The following PDS5A variants were observed in gnomAD, a reference collection of about 807,000 sequenced individuals.
The protein encoded by PDS5A is PDS5 cohesin associated factor A.
In PDS5A, 42 loss-of-function variants were observed where a neutral mutation model predicts 167.1. The ratio of observed to expected loss-of-function variants is 0.25; its 90% CI spans 0.20 to 0.33. PDS5A has a LOEUF of 0.33. PDS5A is among the 10% of genes least tolerant of loss of function. The pLI, the probability that PDS5A is intolerant of heterozygous loss-of-function variation, is 1.00. For synonymous variants in PDS5A, 553 were observed against 554.6 expected (o/e 1.00, Z 0.04); for missense variants, 1,033 against 1,605.9 (o/e 0.64, Z 6.10).
intron 2 of PDS5A, among the ~76,000 whole-genome samples, chr4:39,950,976 T>C (rs1286203307): frequency 6.6e-6 from 1 of 151,850 alleles, no homozygotes; most frequent in Non-Finnish European, 1.5e-5. Flanking sequence ...CAATCATAGC[T>C]CACTGCAGCC....
chr4:39,844,821 A>C lies in PDS5A; in HGVS notation c.3403-20T>G, dbSNP rs769566521. ...CTTTGGCTAAAAACAAAAACAAAAA[A>C]CCCCCCAAAAACACACACGTTTATA... On this transcript the variant is annotated intron_variant, in intron 29 of 32. Coordinates refer to ENST00000303538, the MANE Select transcript of PDS5A (RefSeq NM_001100399.2). The C allele has an allele frequency of 8.9e-5, 141 of 1,585,360 alleles. 1 individual carries two copies. In the South Asian group the frequency reaches 1.5e-3, roughly 17 times the overall value.
intron 16 of PDS5A, among the ~76,000 whole-genome samples, chr4:39,892,977 A>G (rs1722100909): frequency 6.6e-6 from 1 of 152,244 alleles, no homozygotes; most frequent in South Asian, 2.1e-4. Context: ...TTCTTTTAAA[A>G]ATTCTATGAG....
At position 39,942,281 on chromosome 4, in the gene PDS5A, A is replaced by G. The variant is rs570847140; in HGVS notation, c.139-14117T>C. On this transcript the variant is annotated intron_variant, in intron 2 of 32. Coordinates refer to ENST00000303538, the MANE Select transcript of PDS5A (RefSeq NM_001100399.2). ...TGGGTTAATTCATTATCTTCCAAAA[A>G]TATCTTGAGCCTCTTTACAGCTTTA... Among the ~76,000 whole-genome samples, 4 of 152,256 alleles carry G rather than the reference A, an allele frequency of 2.6e-5. No individual in the cohort carries two copies. In the East Asian group the frequency reaches 7.7e-4, roughly 29 times the overall value.
chr4:39,847,339 G>A (rs1359774295), intron 28 of PDS5A: 1 of 152,134 alleles, frequency 6.6e-6, no homozygotes, highest in Non-Finnish European at 1.5e-5. Context: ...GCTGGGCATG[G>A]TGGCTCATGC....
intron 26 of PDS5A, among the ~76,000 whole-genome samples, chr4:39,851,462 C>T (rs1049453249): frequency 6.6e-6 from 1 of 152,100 alleles, no homozygotes; most frequent in African/African-American, 2.4e-5. Flanking sequence ...CCATGTCTGG[C>T]TGATTTTTAT....
At chr4:39,887,937 T>C (rs1408449665) in intron 17 of PDS5A, among the ~76,000 whole-genome samples, 1 of 150,750 alleles carries the variant, frequency 6.6e-6, no homozygotes, top group African/African-American at 2.4e-5. Flanking sequence ...ATCAAAACCA[T>C]ACAAAAAAAT....
At chr4:39,918,200 A>C (rs1341275934) in intron 7 of PDS5A, among the ~76,000 whole-genome samples, 1 of 151,378 alleles carries the variant, frequency 6.6e-6, no homozygotes, top group Non-Finnish European at 1.5e-5. Flanking sequence ...AAAAAAAAAA[A>C]ACAGAATAAT....
intron 7 of PDS5A, among the ~76,000 whole-genome samples, chr4:39,918,838 G>A (rs1218153617): frequency 2.0e-5 from 3 of 152,132 alleles, no homozygotes; most frequent in Non-Finnish European, 4.4e-5. Flanking sequence ...GGGCAACAGG[G>A]CGAGACTCCA....
chr4:39,934,605 C>CTTTT (rs955582839), intron 2 of PDS5A, among the ~76,000 whole-genome samples: 1 of 109,210 alleles, frequency 9.2e-6, no homozygotes, highest in African/African-American at 3.3e-5. Context: ...CTTAGTATTT[C>CTTTT]TTTTTTTTTC....
rs547323686 is a variant in PDS5A, at chr4:39,886,668, G to A, written c.1886+3581C>T. ...GTGGAGGCTGTGGTGAGCCAAGATC[G>A]CGCCATTGCACTCCAGCCTGGGCAA... is the stretch of plus-strand genomic sequence containing the variant. On this transcript the variant is annotated intron_variant, in intron 17 of 32. Transcript: ENST00000303538. 5.3e-5 allele frequency among the ~76,000 whole-genome samples: 8 copies of A among 151,514 alleles called. No homozygotes were observed. In the East Asian group the frequency reaches 7.8e-4, roughly 15 times the overall value.
intron 32 of PDS5A, among the ~76,000 whole-genome samples, chr4:39,825,951 A>T (rs1375573031): frequency 3.9e-5 from 6 of 152,046 alleles, no homozygotes; most frequent in Admixed American, 2.0e-4. Flanking sequence ...TTCACCTGAA[A>T]CTTGGTTTAA....
At chr4:39,839,136 A>C (rs1384480457) in intron 31 of PDS5A, among the ~76,000 whole-genome samples, 1 of 152,224 alleles carries the variant, frequency 6.6e-6, no homozygotes, top group Non-Finnish European at 1.5e-5. Flanking sequence ...ATTTTACACA[A>C]GGATCCCACA....
chr4:39,906,925 A>AT (rs1307305683), intron 11 of PDS5A, among the ~76,000 whole-genome samples: 11 of 150,046 alleles, frequency 7.3e-5, no homozygotes, highest in South Asian at 2.1e-4. Context: ...CATAAAAAAA[A>AT]AAAAAAAAAA....
chr4:39,944,866 T>C (rs1727601533), intron 2 of PDS5A, among the ~76,000 whole-genome samples: 1 of 152,106 alleles, frequency 6.6e-6, no homozygotes, highest in Non-Finnish European at 1.5e-5. Flanking sequence ...CATTCTATAT[T>C]TTGACCCTCA....
chr4:39,960,351 C>G (rs537211140), intron 2 of PDS5A, among the ~76,000 whole-genome samples: 1 of 152,212 alleles, frequency 6.6e-6, no homozygotes, highest in African/African-American at 2.4e-5. Flanking sequence ...ACATAATACA[C>G]AAAAACAATG....
At chr4:39,975,699 C>G (rs1327013070) in intron 2 of PDS5A, among the ~76,000 whole-genome samples, 2 of 152,170 alleles carry the variant, frequency 1.3e-5, no homozygotes, top group Non-Finnish European at 1.5e-5. Flanking sequence ...TGCCAAACAT[C>G]TCCTGGAGGT....
Position 39,919,384 on chromosome 4 carries a change from G to A in PDS5A, c.735+935C>T, listed in dbSNP as rs149361933. On this transcript the variant is annotated intron_variant, in intron 7 of 32. Coordinates refer to ENST00000303538, the MANE Select transcript of PDS5A (RefSeq NM_001100399.2). ...AAAATAGCCGGGTGCGGTGGCTCAC[G>A]CCTGTAATCCCAGCACTTTGGGAGG... 1.6e-4 allele frequency among the ~76,000 whole-genome samples: 25 copies of A among 152,246 alleles called. 1 individual carries two copies. The East Asian group carries it at 4.0e-3, about 25-fold the overall frequency.
chr4:39,914,484 T>A (rs35608470), intron 8 of PDS5A, among the ~76,000 whole-genome samples: 1 of 96,612 alleles, frequency 1.0e-5, no homozygotes, highest in East Asian at 3.9e-4. Flanking sequence ...TAATGAAGGA[T>A]CCCCTACGAC....
At chr4:39,975,662 T>C (rs140697381) in intron 2 of PDS5A, among the ~76,000 whole-genome samples, 4 of 152,298 alleles carry the variant, frequency 2.6e-5, no homozygotes, top group East Asian at 1.9e-4. Context: ...CTAGCACCAA[T>C]TGTGACAACC....
Sources: gnomAD v4.1 joint callset for allele counts (sites outside exome capture counted in the v4.1 genomes callset) on GRCh38, gnomAD v4.1.1 for gene constraint, MANE v1.5 for transcripts, NCBI Gene and HGNC (gene_info 2026-07-23, HGNC 2026-07-21) for gene names.